The following DNAH17 variants were observed in gnomAD, a reference collection of about 807,000 sequenced individuals.
DNAH17 encodes the protein dynein axonemal heavy chain 17, also known as axonemal beta dynein heavy chain 17.
DNAH17 carries 376 observed loss-of-function variants against 485.6 expected under a neutral mutation model. That is an observed-to-expected ratio of 0.77 (90% CI 0.71 to 0.84). The LOEUF (loss-of-function observed/expected upper bound fraction) is 0.84, where lower values mean the gene tolerates loss of function less well. Ranked by LOEUF, DNAH17 falls within the 40% of genes least tolerant of loss-of-function variation. The pLI, the probability that DNAH17 is intolerant of heterozygous loss-of-function variation, is 0.00. For missense variants in DNAH17, 6,370 were observed against 5,839.3 expected (o/e 1.09, Z -2.96); for synonymous variants, 3,031 against 2,405.9 (o/e 1.26, Z -7.60).
intron 11 of DNAH17, among the ~76,000 whole-genome samples, chr17:78,563,400 GA>G (rs113062962): frequency 0.046 from 6,803 of 148,016 alleles, 385 homozygotes; most frequent in African/African-American, 0.14. Flanking sequence ...GGGGCAGTTG[GA>G]AAAAAAAAAT....
Position 78,485,746 on chromosome 17 carries a change from G to A in DNAH17, c.7287C>T (p.Val2429=). 2 of 1,613,830 alleles carry A rather than the reference G, an allele frequency of 1.2e-6. No homozygotes were observed. ...DPDVPLQASL[V]HTTETIRIRY... is the part of the protein sequence containing the mutation. ...GGATGCGGATGGTTTCCGTGGTGTG[G>A]ACCAAAGAGGCCTGGGGCAGGGGAG... is the stretch of plus-strand genomic sequence containing the variant. The change falls in exon 47 of 81, where the codon GTC becomes GTT. Residue 2429 remains valine (V), a synonymous_variant. Coordinates refer to ENST00000389840, the MANE Select transcript of DNAH17 (RefSeq NM_173628.4).
chr17:78,441,522 G>T (rs552101857), intron 71 of DNAH17, among the ~76,000 whole-genome samples: 3 of 152,262 alleles, frequency 2.0e-5, no homozygotes, highest in Non-Finnish European at 2.9e-5. Flanking sequence ...GAGAAGGAAG[G>T]AAGTTCAGAT....
chr17:78,560,934 C>G lies in DNAH17; in HGVS notation c.1837G>C (p.Val613Leu). 6.5e-7 allele frequency: 1 copy of G among 1,548,138 alleles called. No individual in the cohort carries two copies. The highest frequency in any genetic ancestry group is 1.2e-5 in the South Asian group (1 of 84,048). The change falls in exon 13 of 81, where the codon GTC becomes CTC. Residue 613 changes from valine to leucine, a missense_variant and splice_region_variant. By Grantham distance (32) the Val-to-Leu change is conservative. Transcript: ENST00000389840. ...AGCTTGGCCTCTGCTCCAGACATGACCCTGGAATCAGAGCGGGAAGGCGAG... is the reference window on the plus strand; with the variant it reads ...AGCTTGGCCTCTGCTCCAGACATGAGCCTGGAATCAGAGCGGGAAGGCGAG... Reference protein sequence around the residue: ...MKHLKHVEHPVMSGAEAKLTY... With the variant: ...MKHLKHVEHPLMSGAEAKLTY...
At position 78,425,462 on chromosome 17, in the gene DNAH17, T is replaced by A. The variant is rs766002937; in HGVS notation, c.13025A>T (p.Lys4342Met). Reference sequence around the variant, plus strand: ...CATCTTGTCCAGGGGCCACTCGTTCTTCCTGGCCATGGACTGCATGATGGC... The same window carrying A: ...CATCTTGTCCAGGGGCCACTCGTTCATCCTGGCCATGGACTGCATGATGGC... ...LTAIMQSMAR[K>M]NEWPLDKMCL... is the part of the protein sequence containing the mutation. Residue 4342 changes from lysine (K) to methionine (M), a missense_variant, in exon 80 of 81, where the codon AAG becomes ATG. Coordinates refer to ENST00000389840, the MANE Select transcript of DNAH17 (RefSeq NM_173628.4). 1 of 1,614,036 alleles carries A rather than the reference T, an allele frequency of 6.2e-7. No individual in the cohort carries two copies. The highest frequency in any genetic ancestry group is 8.5e-7 in the Non-Finnish European group (1 of 1,179,912).
chr17:78,444,506 C>T (rs1258619994), intron 71 of DNAH17, 98 bp downstream of exon 71: 5 of 1,198,592 alleles, frequency 4.2e-6, no homozygotes, highest in Non-Finnish European at 4.5e-6. Context: ...TTCAGGGGAT[C>T]AACTCAAGTC....
intron 62 of DNAH17, among the ~76,000 whole-genome samples, chr17:78,457,938 G>A (rs2087890802): frequency 2.6e-5 from 4 of 152,214 alleles, no homozygotes; most frequent in Admixed American, 2.6e-4. Flanking sequence ...TGGGATTACA[G>A]GCGTGAGCCA....
chr17:78,500,943 T>G (rs1308024213), intron 35 of DNAH17: 4 of 387,250 alleles, frequency 1.0e-5, no homozygotes, highest in African/African-American at 4.1e-5. Context: ...CTCATGAGGG[T>G]CCATAAAACA....
chr17:78,447,357 C>CA (rs768114461), intron 69 of DNAH17, among the ~76,000 whole-genome samples: 9 of 152,170 alleles, frequency 5.9e-5, no homozygotes, highest in Non-Finnish European at 1.2e-4. Flanking sequence ...GGTCATATTC[C>CA]ATGCCATCTT....
Position 78,450,701 on chromosome 17 carries a change from G to A in DNAH17, c.10880C>T (p.Ala3627Val). The A allele has an allele frequency of 6.2e-7, 1 of 1,613,624 alleles. No homozygotes were observed. The highest frequency in any genetic ancestry group is 1.1e-5 in the South Asian group (1 of 91,044). Residue 3627 changes from alanine (A) to valine (V), a missense_variant, in exon 67 of 81, where the codon GCC becomes GTC. Ala to Val is a moderately conservative substitution (Grantham distance 64, BLOSUM62 0). Coordinates refer to ENST00000389840, the MANE Select transcript of DNAH17 (RefSeq NM_173628.4). ...VENLETTKHT[A>V]SEIEEKVVEA... ...TCTGACCTTCTCCTCGATCTCGCTG[G>A]CTGTGTGCTTGGTGGTCTCCAGATT...
chr17:78,433,955 G>GGGAGGGAAGGAGGGAAGGAGGGAGGGAA (rs372826165), intron 75 of DNAH17, 74 bp downstream of exon 75: 1 of 1,289,514 alleles, frequency 7.8e-7, no homozygotes, highest in African/African-American at 1.8e-5. Flanking sequence ...GAGGGAAGGA[G>GGGAGGGAAGGAGGGAAGGAGGGAGGGAA]GGAGGGAAGG....
intron 56 of DNAH17, among the ~76,000 whole-genome samples, chr17:78,463,441 C>A (rs1338674944): frequency 6.6e-6 from 1 of 151,800 alleles, no homozygotes; most frequent in Non-Finnish European, 1.5e-5. Context: ...CGTGCATACG[C>A]ATTCACATAC....
chr17:78,500,621 G>GC, intron 35 of DNAH17, 160 bp from the exon 36 acceptor site: 1 of 625,864 alleles, frequency 1.6e-6, no homozygotes, highest in South Asian at 3.2e-5. Context: ...TGATTCTCAT[G>GC]CCTCAGCCTC....
Position 78,501,227 on chromosome 17 carries a change from G to A in DNAH17, c.5440C>T (p.Leu1814=), listed in dbSNP as rs748984123. 1 of 1,602,578 alleles carries A rather than the reference G, an allele frequency of 6.2e-7. No homozygotes were observed. Among genetic ancestry groups the A allele is most frequent in the South Asian group, 1.1e-5 (1 of 90,208 alleles). The change falls in exon 35 of 81, where the codon CTG becomes TTG. Residue 1814 remains leucine, a synonymous_variant. Coordinates refer to ENST00000389840, the MANE Select transcript of DNAH17 (RefSeq NM_173628.4). ...ATGACCAGCCGCGGCGTGTTGCCCA[G>A]ATACTCATAGGAATACTGGATTTGG... ...DAQIQYSYEY[L]GNTPRLVITP...
At chr17:78,487,120 G>C (rs1202799197) in intron 44 of DNAH17, among the ~76,000 whole-genome samples, 1 of 152,114 alleles carries the variant, frequency 6.6e-6, no homozygotes, top group African/African-American at 2.4e-5. Context: ...ACATCTCTGG[G>C]TGGCTCGTGT....
At position 78,445,554 on chromosome 17, in the gene DNAH17, G is replaced by C. The variant is rs369932918; in HGVS notation, c.11334+4C>G. ...CACAACGTGTTCAACGTCTAAAGAC[G>C]AACCTTGATCCCGCCCCAGCCTTGA... On this transcript the variant is annotated splice_donor_region_variant and intron_variant, in intron 70 of 80. Transcript: ENST00000389840. 8 of 1,561,154 alleles carry C rather than the reference G, an allele frequency of 5.1e-6. No homozygotes were observed. The highest frequency in any genetic ancestry group is 6.9e-6 in the Non-Finnish European group (8 of 1,152,318).
chr17:78,518,272 G>A (rs773051841), intron 25 of DNAH17, among the ~76,000 whole-genome samples: 1 of 152,104 alleles, frequency 6.6e-6, no homozygotes. Context: ...CAAAAATATA[G>A]GTAGCTTGAA....
Position 78,468,877 on chromosome 17 carries a change from G to A in DNAH17, c.8518C>T (p.Leu2840Phe), listed in dbSNP as rs1479094068. 6.2e-7 allele frequency: 1 copy of A among 1,612,814 alleles called. No homozygotes were observed. The highest frequency in any genetic ancestry group is 8.5e-7 in the Non-Finnish European group (1 of 1,179,620). The change falls in exon 55 of 81, where the codon CTC (leucine) becomes TTC (phenylalanine). Residue 2840 changes from leucine to phenylalanine, a missense_variant. Physicochemically the swap from Leu to Phe is conservative, Grantham distance 22. Coordinates refer to ENST00000389840, the MANE Select transcript of DNAH17 (RefSeq NM_173628.4). ...GCAGCCTTTATGTACTGAGCAGCGAGGTCAATCTGGACGGAGTGAGGACAC... is the reference window on the plus strand; with the variant it reads ...GCAGCCTTTATGTACTGAGCAGCGAAGTCAATCTGGACGGAGTGAGGACAC... ...GYGIPDLKID[L>F]AAQYIKAAVK... is the part of the protein sequence containing the mutation.
chr17:78,514,109 C>T (rs62075873), intron 26 of DNAH17, among the ~76,000 whole-genome samples: 18,181 of 152,104 alleles, frequency 0.12, 1,391 homozygotes, highest in Middle Eastern at 0.18. Context: ...GTTCATTTGC[C>T]CCAAACTTCC....
chr17:78,553,283 G>GGTTTTTTTTTTTTTTTTTTTTTTTTTT (rs2091944708), intron 14 of DNAH17, among the ~76,000 whole-genome samples: 1 of 51,018 alleles, frequency 2.0e-5, no homozygotes. Flanking sequence ...AGGTTTTTGT[G>GGTTTTTTTTTTTTTTTTTTTTTTTTTT]TTTTTTTTTT....
Sources: allele counts gnomAD v4.1 joint callset (sites outside exome capture counted in the v4.1 genomes callset), GRCh38; gene constraint gnomAD v4.1.1; transcripts MANE v1.5; gene names NCBI Gene and HGNC (gene_info 2026-07-23, HGNC 2026-07-21).